Variants in ATF6 observed in about 807,000 individuals in gnomAD.
The protein encoded by ATF6 is activating transcription factor 6.
A neutral mutation model predicts 83.6 loss-of-function variants in ATF6; 53 were observed. The observed-to-expected ratio is 0.63, with a 90% CI of 0.51 to 0.80. The LOEUF is 0.80. Among genes scored for constraint, ATF6 ranks in the 30% least tolerant of loss-of-function variants. The probability of loss-of-function intolerance (pLI) is 0.00; values close to 1 mark genes in which losing one functional copy is unlikely to be tolerated. For synonymous variants in ATF6, 288 were observed against 285.8 expected, an observed-to-expected ratio of 1.01 and a Z score of -0.08; for missense variants, 744 against 797.9, an observed-to-expected ratio of 0.93 and a Z score of 0.81.
chr1:161,819,962 C>A, intron 8 of ATF6, 144 bp downstream of exon 8: 1 of 769,800 alleles, frequency 1.3e-6, no homozygotes. Flanking sequence ...AAAACATTTG[C>A]AGTAAGGATA....
At chr1:161,788,455 A>T (rs1258719745) in intron 4 of ATF6, among the ~76,000 whole-genome samples, 1 of 152,126 alleles carries the variant, frequency 6.6e-6, no homozygotes, top group Non-Finnish European at 1.5e-5. Flanking sequence ...TTGAAATAGT[A>T]AAACTCTTGT....
intron 7 of ATF6, among the ~76,000 whole-genome samples, chr1:161,818,385 G>C (rs184748806): frequency 1.3e-5 from 2 of 152,042 alleles, no homozygotes; most frequent in Admixed American, 6.5e-5. Flanking sequence ...AAATAATTTC[G>C]CTCAGTAAGT....
chr1:161,872,973 A>G (rs1464335785), intron 14 of ATF6, among the ~76,000 whole-genome samples: 2 of 151,556 alleles, frequency 1.3e-5, no homozygotes, highest in African/African-American at 2.4e-5. Flanking sequence ...ATAAGAATAG[A>G]GTTTATGTTT....
intron 6 of ATF6, among the ~76,000 whole-genome samples, chr1:161,796,943 A>C (rs772216526): frequency 1.3e-4 from 20 of 150,980 alleles, no homozygotes; most frequent in Non-Finnish European, 1.5e-4. Flanking sequence ...TCACATTATG[A>C]TAAATATATA....
intron 14 of ATF6, among the ~76,000 whole-genome samples, chr1:161,888,736 GTC>G (rs1381340127): frequency 1.3e-5 from 2 of 152,004 alleles, no homozygotes; most frequent in Non-Finnish European, 2.9e-5. Flanking sequence ...TCTTCCTTTA[GTC>G]TCTCCTTCAA....
intron 4 of ATF6, among the ~76,000 whole-genome samples, chr1:161,786,113 TTA>T (rs1220827580): frequency 4.3e-3 from 3 of 690 alleles, no homozygotes; most frequent in Non-Finnish European, 6.8e-3. Context: ...GTACCTGGGA[TTA>T]CAGGGATTAC....
intron 4 of ATF6, among the ~76,000 whole-genome samples, chr1:161,784,641 T>C (rs557542202): frequency 5.9e-5 from 9 of 152,262 alleles, no homozygotes; most frequent in African/African-American, 2.2e-4. Flanking sequence ...TTTAGGTACT[T>C]TTTAGAATGG....
chr1:161,931,866 T>C (rs1688440600), intron 15 of ATF6, among the ~76,000 whole-genome samples: 1 of 152,232 alleles, frequency 6.6e-6, no homozygotes, highest in Non-Finnish European at 1.5e-5. Context: ...GAGCAAGCCT[T>C]ATTCTTAACT....
intron 14 of ATF6, among the ~76,000 whole-genome samples, chr1:161,867,623 G>A (rs1687035349): frequency 6.6e-6 from 1 of 152,178 alleles, no homozygotes; most frequent in South Asian, 2.1e-4. Flanking sequence ...GGCTGTGAAT[G>A]TCAGTTTGCC....
chr1:161,937,394 G>A (rs1688557544), intron 15 of ATF6, among the ~76,000 whole-genome samples: 1 of 148,882 alleles, frequency 6.7e-6, no homozygotes, highest in South Asian at 2.1e-4. Flanking sequence ...TTTTATCTCT[G>A]GTTACTTCAA....
chr1:161,908,370 G>A (rs1439379344), intron 14 of ATF6, among the ~76,000 whole-genome samples: 1 of 152,148 alleles, frequency 6.6e-6, no homozygotes, highest in Admixed American at 6.5e-5. Context: ...TGAAGGCTGT[G>A]TTATACACTA....
At chr1:161,876,889 T>A (rs921767265) in intron 14 of ATF6, among the ~76,000 whole-genome samples, 5 of 152,080 alleles carry the variant, frequency 3.3e-5, no homozygotes, top group African/African-American at 1.2e-4. Flanking sequence ...AGCAATTCAT[T>A]CTTAAATATA....
At chr1:161,899,179 A>AT (rs933011899) in intron 14 of ATF6, among the ~76,000 whole-genome samples, 8 of 152,088 alleles carry the variant, frequency 5.3e-5, no homozygotes, top group African/African-American at 1.4e-4. Context: ...CTAATTAAAC[A>AT]TTTTTTTCAT....
rs1689156393 is a variant in ATF6, at chr1:161,964,031, G to C, written c.*5377G>C. 1 of 152,138 alleles carries C rather than the reference G, an allele frequency of 6.6e-6. No individual in the cohort carries two copies. Among genetic ancestry groups the C allele is most frequent in the Admixed American group, 6.5e-5 (1 of 15,282 alleles). 9.4% of individuals were successfully genotyped at this position (152,138 alleles called of 1,614,324 possible). A position where few individuals can be genotyped will look rare whatever the true frequency, so the allele number is the denominator to read the frequency against. On this transcript the variant is annotated 3_prime_UTR_variant, in exon 16 of 16. Coordinates refer to ENST00000367942, the MANE Select transcript of ATF6 (RefSeq NM_007348.4). The stretch of plus-strand genomic sequence containing the variant: ...TTTCAAGCAAGTCTTTATACTACCT[G>C]TTATTTCTCTAAAATTCAAATAAAG...
chr1:161,801,823 G>C (rs146120451), intron 6 of ATF6, among the ~76,000 whole-genome samples: 423 of 152,290 alleles, frequency 2.8e-3, no homozygotes, highest in Non-Finnish European at 4.8e-3. Flanking sequence ...GTATATTAAA[G>C]TATATTGTTA....
intron 1 of ATF6, among the ~76,000 whole-genome samples, chr1:161,775,435 C>T (rs1684492292): frequency 6.6e-6 from 1 of 152,186 alleles, no homozygotes; most frequent in South Asian, 2.1e-4. Context: ...CTAACTCTAT[C>T]ATTCTGTCTA....
chr1:161,777,858 T>C (rs1345285956), intron 1 of ATF6, among the ~76,000 whole-genome samples: 1 of 152,198 alleles, frequency 6.6e-6, no homozygotes, highest in East Asian at 1.9e-4. Context: ...CCTCTCCTAT[T>C]GCTTATGAAC....
intron 7 of ATF6, among the ~76,000 whole-genome samples, chr1:161,807,762 GTTGT>G (rs1685327829): frequency 6.9e-6 from 1 of 145,336 alleles, no homozygotes; most frequent in Admixed American, 6.8e-5. Flanking sequence ...TTTTTTTGTT[GTTGT>G]TTATTTTTCC....
intron 14 of ATF6, among the ~76,000 whole-genome samples, chr1:161,909,807 T>C (rs1687953491): frequency 6.6e-6 from 1 of 152,022 alleles, no homozygotes; most frequent in Admixed American, 6.5e-5. Flanking sequence ...ATACAAAAAA[T>C]TAGCCGGGCA....
Sources: gnomAD v4.1 joint callset for allele counts (sites outside exome capture counted in the v4.1 genomes callset) on GRCh38, gnomAD v4.1.1 for gene constraint, MANE v1.5 for transcripts, NCBI Gene and HGNC (gene_info 2026-07-23, HGNC 2026-07-21) for gene names.